The following CNTLN variants were observed in gnomAD, a reference collection of about 807,000 sequenced individuals.
CNTLN encodes the protein centlein.
Under a neutral mutation model 180.0 loss-of-function variants are expected in CNTLN, and 212 were observed. That is an observed-to-expected ratio of 1.18 (90% CI 1.05 to 1.32). The LOEUF (loss-of-function observed/expected upper bound fraction) is 1.32. Ranked by LOEUF, CNTLN falls within the 40% of genes most tolerant of loss-of-function variation. The probability of loss-of-function intolerance (pLI) is 0.00; values close to 1 mark genes in which losing one functional copy is unlikely to be tolerated. For synonymous variants in CNTLN, 722 were observed against 563.1 expected (o/e 1.28, Z -3.99); for missense variants, 2,095 against 1,610.9 (o/e 1.30, Z -5.14).
chr9:17,243,815 A>G (rs1825636698), intron 5 of CNTLN, among the ~76,000 whole-genome samples: 1 of 152,164 alleles, frequency 6.6e-6, no homozygotes, highest in Non-Finnish European at 1.5e-5. Context: ...GTAAATATCT[A>G]TTAGGTACAT....
At chr9:17,272,297 G>C (rs1417646173) in intron 5 of CNTLN, among the ~76,000 whole-genome samples, 2 of 151,918 alleles carry the variant, frequency 1.3e-5, no homozygotes, top group East Asian at 1.9e-4. Context: ...GGATAGTCTC[G>C]ATCAGTTGAC....
At chr9:17,143,955 C>T (rs531826249) in intron 2 of CNTLN, among the ~76,000 whole-genome samples, 2 of 152,314 alleles carry the variant, frequency 1.3e-5, no homozygotes, top group South Asian at 2.1e-4. Context: ...CTCTATCAAA[C>T]ATTTGGTATA....
At chr9:17,306,148 T>TCC (rs1818693750) in intron 7 of CNTLN, among the ~76,000 whole-genome samples, 1 of 44,606 alleles carries the variant, frequency 2.2e-5, no homozygotes, top group African/African-American at 1.3e-4. Context: ...AGTCGTCTAT[T>TCC]TTTTTTTTTT....
At chr9:17,220,059 T>G (rs2132041059) in intron 2 of CNTLN, among the ~76,000 whole-genome samples, 1 of 152,252 alleles carries the variant, frequency 6.6e-6, no homozygotes, top group African/African-American at 2.4e-5. Flanking sequence ...CCATAGCACC[T>G]TGTTAAACAC....
chr9:17,349,649 TA>T (rs1822198896), intron 12 of CNTLN, among the ~76,000 whole-genome samples: 1 of 152,122 alleles, frequency 6.6e-6, no homozygotes, highest in South Asian at 2.1e-4. Flanking sequence ...TCTGAGGACT[TA>T]AAAAACTTAC....
At chr9:17,154,599 G>A (rs1819127885) in intron 2 of CNTLN, among the ~76,000 whole-genome samples, 1 of 152,222 alleles carries the variant, frequency 6.6e-6, no homozygotes, top group Admixed American at 6.5e-5. Context: ...GATATTGACA[G>A]GTGAAGCCAG....
the CNTLN span, among the ~76,000 whole-genome samples, chr9:17,516,044 C>T: frequency 6.6e-6 from 1 of 152,310 alleles, no homozygotes; most frequent in South Asian, 2.1e-4. Context: ...AAACTGTGCC[C>T]AACTCAGTAC....
At chr9:17,528,214 G>A in the CNTLN span, among the ~76,000 whole-genome samples, 2 of 152,192 alleles carry the variant, frequency 1.3e-5, no homozygotes, top group African/African-American at 4.8e-5. Flanking sequence ...TAGAAAGCAG[G>A]GGGAAAATAG....
intron 2 of CNTLN, among the ~76,000 whole-genome samples, chr9:17,187,853 C>G (rs554440814): frequency 5.3e-5 from 8 of 151,436 alleles, no homozygotes; most frequent in African/African-American, 1.7e-4. Flanking sequence ...TAATATGTAA[C>G]CAGAAGCAGT....
intron 12 of CNTLN, among the ~76,000 whole-genome samples, chr9:17,360,161 C>G (rs1424216436): frequency 6.6e-6 from 1 of 152,056 alleles, no homozygotes; most frequent in Non-Finnish European, 1.5e-5. Flanking sequence ...AAAATAATTC[C>G]TAGTTCCTCT....
intron 15 of CNTLN, among the ~76,000 whole-genome samples, chr9:17,397,898 G>T (rs1056243822): frequency 5.9e-5 from 9 of 152,114 alleles, no homozygotes; most frequent in African/African-American, 1.9e-4. Flanking sequence ...GAGTCACTCA[G>T]CTGCAAAAGA....
At chr9:17,497,076 A>G (rs758999855) in intron 25 of CNTLN, among the ~76,000 whole-genome samples, 46 of 152,178 alleles carry the variant, frequency 3.0e-4, no homozygotes, top group African/African-American at 1.1e-3. Flanking sequence ...CTGATGTCCA[A>G]GGGAGCTCAG....
chr9:17,431,169 A>G (rs1177290397), intron 18 of CNTLN, among the ~76,000 whole-genome samples: 3 of 152,104 alleles, frequency 2.0e-5, no homozygotes, highest in Admixed American at 6.5e-5. Flanking sequence ...ATGTCCATCA[A>G]TAGTGTATGA....
rs756693754 is a variant in CNTLN, at chr9:17,166,793, C to T, written c.449+23417C>T. 154 of 355,056 alleles carry T rather than the reference C, an allele frequency of 4.3e-4. 1 individual carries two copies. The highest frequency in any genetic ancestry group is 2.4e-4 in the Non-Finnish European group (43 of 179,966). 22.0% of individuals were successfully genotyped at this position (355,056 alleles called of 1,614,324 possible). On this transcript the variant is annotated intron_variant, in intron 2 of 25. Coordinates refer to ENST00000380647, the MANE Select transcript of CNTLN (RefSeq NM_017738.4). ...AGACGTTTTCTGTAACACATGGTCT[C>T]ACATCTCCCATTACATATTCTTAGG...
intron 5 of CNTLN, among the ~76,000 whole-genome samples, chr9:17,240,779 G>A (rs2132190919): frequency 6.6e-6 from 1 of 152,154 alleles, no homozygotes; most frequent in African/African-American, 2.4e-5. Context: ...TTTTACTTTG[G>A]TTTCTTGTCC....
At chr9:17,348,692 G>A (rs559880443) in intron 12 of CNTLN, among the ~76,000 whole-genome samples, 164 of 151,996 alleles carry the variant, frequency 1.1e-3, no homozygotes, top group African/African-American at 3.7e-3. Context: ...CACCACGCGG[G>A]GCAAATTTTT....
At chr9:17,475,415 T>C (rs900423126) in intron 23 of CNTLN, among the ~76,000 whole-genome samples, 1 of 149,632 alleles carries the variant, frequency 6.7e-6, no homozygotes, top group East Asian at 2.0e-4. Context: ...AAGATGGCCA[T>C]AAGAATAAAA....
intron 18 of CNTLN, among the ~76,000 whole-genome samples, chr9:17,419,321 A>G (rs1442514): frequency 0.75 from 113,359 of 152,076 alleles, 46,098 homozygotes; most frequent in Non-Finnish European, 0.92. Context: ...GCATTATTCT[A>G]TAGATGGAAT....
chr9:17,149,422 A>G (rs757595584), intron 2 of CNTLN, among the ~76,000 whole-genome samples: 1 of 151,330 alleles, frequency 6.6e-6, no homozygotes, highest in Non-Finnish European at 1.5e-5. Context: ...GAACTAATTT[A>G]CACCCCCACC....
Sources: allele counts gnomAD v4.1 joint callset (sites outside exome capture counted in the v4.1 genomes callset), GRCh38; gene constraint gnomAD v4.1.1; transcripts MANE v1.5; gene names NCBI Gene and HGNC (gene_info 2026-07-23, HGNC 2026-07-21).